Variants in LPP observed in about 807,000 individuals in gnomAD.
The protein encoded by LPP is lipoma-preferred partner.
LPP carries 38 observed loss-of-function variants against 60.4 expected under a neutral mutation model. The ratio of observed to expected loss-of-function variants is 0.63; its 90% confidence interval spans 0.49 to 0.83. The LOEUF is 0.83. LPP is among the 40% of genes least tolerant of loss of function. The pLI, the probability that LPP is intolerant of heterozygous loss-of-function variation, is 0.00. For missense variants in LPP, 902 were observed against 783.6 expected, an observed-to-expected ratio of 1.15 and a Z score of -1.80; for synonymous variants, 328 against 290.8, an observed-to-expected ratio of 1.13 and a Z score of -1.30.
At chr3:188,528,936 A>G (rs1039040028) in intron 6 of LPP, among the ~76,000 whole-genome samples, 1 of 152,226 alleles carries the variant, frequency 6.6e-6, no homozygotes, top group African/African-American at 2.4e-5. Context: ...GAAGGTCAAA[A>G]AAAATTAATT....
intron 8 of LPP, among the ~76,000 whole-genome samples, chr3:188,748,775 C>T (rs574909100): frequency 2.0e-5 from 3 of 152,130 alleles, no homozygotes; most frequent in Non-Finnish European, 2.9e-5. Flanking sequence ...AAGAGCAAAA[C>T]TCTGTCTCAA....
At chr3:188,653,790 T>C (rs995029814) in intron 7 of LPP, among the ~76,000 whole-genome samples, 1 of 152,206 alleles carries the variant, frequency 6.6e-6, no homozygotes, top group Non-Finnish European at 1.5e-5. Flanking sequence ...CTTTGTTTAT[T>C]AAATAAGAAA....
In LPP at chr3:188,284,962, C is replaced by G. The variant is rs1381707005; in HGVS notation, c.-66-56701C>G. Among the ~76,000 whole-genome samples, 3 of 151,986 alleles carry G rather than the reference C, an allele frequency of 2.0e-5. No individual in the cohort carries two copies. The East Asian group carries it at 5.8e-4, about 29-fold the overall frequency. On this transcript the variant is annotated intron_variant, in intron 2 of 11. Coordinates refer to ENST00000617246, the MANE Select transcript of LPP (RefSeq NM_001375462.1). ...GTATCGGTTCAGAGCTGACTTTCTG[C>G]TCTGGTTGTTTACTGAAAAATGGTA...
chr3:188,380,777 C>G (rs1487530221), intron 3 of LPP, among the ~76,000 whole-genome samples: 1 of 152,168 alleles, frequency 6.6e-6, no homozygotes. Flanking sequence ...TGGATTGCAT[C>G]CCTGTAAGGG....
chr3:188,522,811 A>G lies in LPP; in HGVS notation c.307-1854A>G, dbSNP rs1306181237. ...TATATATATATATATATATATATAT[A>G]TATATGTGTATGTGTGTGTGTATGT... On this transcript the variant is annotated intron_variant, in intron 5 of 11. Coordinates refer to ENST00000617246, the MANE Select transcript of LPP (RefSeq NM_001375462.1). 5.1e-4 allele frequency among the ~76,000 whole-genome samples: 63 copies of G among 123,860 alleles called. 1 individual carries two copies. Among genetic ancestry groups the G allele is most frequent in the African/African-American group, 1.8e-3 (61 of 33,220 alleles). The allele number at this position is 123,860 out of a possible 152,430, so 81.3% of individuals were successfully genotyped here.
chr3:188,288,831 A>AT (rs1553851105), intron 2 of LPP, among the ~76,000 whole-genome samples: 4,034 of 79,640 alleles, frequency 0.051, 188 homozygotes, highest in Middle Eastern at 0.079. Context: ...CCCCACCCCC[A>AT]CCCCCCCGCC....
intron 6 of LPP, among the ~76,000 whole-genome samples, chr3:188,601,031 T>C: frequency 6.6e-6 from 1 of 152,240 alleles, no homozygotes; most frequent in East Asian, 1.9e-4. Context: ...AATTGCTTCT[T>C]CCTTTGGCTA....
In LPP at chr3:188,639,923, C is replaced by G. The variant is rs867694793; in HGVS notation, c.1113+30079C>G. ...GAACACTTTTACACTGTTGGTGGGA[C>G]TGTAAACTAGTTCAACCATTGTGGA... On this transcript the variant is annotated intron_variant, in intron 7 of 11. Transcript: ENST00000617246. Among the ~76,000 whole-genome samples the G allele has an allele frequency of 4.6e-3, 697 of 152,020 alleles. 3 individuals carry two copies. The highest frequency in any genetic ancestry group is 0.016 in the African/African-American group (656 of 41,490).
intron 1 of LPP, among the ~76,000 whole-genome samples, chr3:188,184,560 C>T (rs188395234): frequency 8.1e-4 from 123 of 152,062 alleles, no homozygotes; most frequent in Non-Finnish European, 1.5e-3. Context: ...AAGGTGGTAT[C>T]GGGTCACCAT....
chr3:188,679,326 TG>T (rs1279953220), intron 7 of LPP, among the ~76,000 whole-genome samples: 2 of 152,234 alleles, frequency 1.3e-5, no homozygotes, highest in African/African-American at 2.4e-5. Context: ...AAAGTTCACT[TG>T]TTTTTTTTTT....
At chr3:188,825,097 T>C (rs199533105) in intron 9 of LPP, among the ~76,000 whole-genome samples, 1 of 152,238 alleles carries the variant, frequency 6.6e-6, no homozygotes, top group African/African-American at 2.4e-5. Context: ...TTGAAAGTTC[T>C]TTTTAAACTA....
intron 8 of LPP, among the ~76,000 whole-genome samples, chr3:188,753,973 A>T (rs748086252): frequency 1.3e-5 from 2 of 152,320 alleles, no homozygotes; most frequent in Non-Finnish European, 1.5e-5. Flanking sequence ...AAACTCTTGT[A>T]TTCACAGAGC....
At chr3:188,514,530 G>A (rs1187529169) in intron 5 of LPP, among the ~76,000 whole-genome samples, 17 of 151,722 alleles carry the variant, frequency 1.1e-4, no homozygotes, top group Non-Finnish European at 1.9e-4. Flanking sequence ...TCTACCTCCC[G>A]GGTGGGTTCA....
chr3:188,689,976 G>C (rs1306036152), intron 7 of LPP, among the ~76,000 whole-genome samples: 1 of 151,026 alleles, frequency 6.6e-6, no homozygotes, highest in African/African-American at 2.4e-5. Flanking sequence ...TTTTTAAGTT[G>C]AATATCCTTC....
In LPP at chr3:188,813,820, A is replaced by G. The variant is rs534400195; in HGVS notation, c.1411-52380A>G. Among the ~76,000 whole-genome samples the G allele has an allele frequency of 2.0e-5, 3 of 152,282 alleles. No homozygotes were observed. In the South Asian group the frequency reaches 6.2e-4, roughly 32 times the overall value. The stretch of plus-strand genomic sequence containing the variant: ...CAGAGTGGCTCATAACTGTAATCTC[A>G]GCACTTCGGGATGCCAAAGTGGGCA... On this transcript the variant is annotated intron_variant, in intron 9 of 11. Transcript: ENST00000617246.
At chr3:188,551,839 C>T (rs1251087096) in intron 6 of LPP, among the ~76,000 whole-genome samples, 1 of 152,058 alleles carries the variant, frequency 6.6e-6, no homozygotes, top group Non-Finnish European at 1.5e-5. Flanking sequence ...ATGGCATAAA[C>T]TATTTCAGGA....
chr3:188,176,398 C>T (rs1044780257), intron 1 of LPP, among the ~76,000 whole-genome samples: 4 of 152,108 alleles, frequency 2.6e-5, no homozygotes, highest in Admixed American at 6.5e-5. Flanking sequence ...TGCCTAGAGT[C>T]ACACACACTG....
At chr3:188,446,764 G>A (rs1330291823) in intron 4 of LPP, among the ~76,000 whole-genome samples, 1 of 152,226 alleles carries the variant, frequency 6.6e-6, no homozygotes, top group Non-Finnish European at 1.5e-5. Context: ...GCAATGGAGT[G>A]AGTTGCCCAG....
At chr3:188,368,153 G>A (rs1275787902) in intron 3 of LPP, among the ~76,000 whole-genome samples, 1 of 152,118 alleles carries the variant, frequency 6.6e-6, no homozygotes, top group Non-Finnish European at 1.5e-5. Flanking sequence ...GTGTTATACC[G>A]GCCAAACCAA....
Sources: gnomAD v4.1 joint callset for allele counts (sites outside exome capture counted in the v4.1 genomes callset) on GRCh38, gnomAD v4.1.1 for gene constraint, MANE v1.5 for transcripts, NCBI Gene and HGNC (gene_info 2026-07-23, HGNC 2026-07-21) for gene names.